The following COL24A1 variants were observed in gnomAD, a reference collection of about 807,000 sequenced individuals.
The protein encoded by COL24A1 is collagen type XXIV alpha 1 chain.
Under a neutral mutation model 253.9 loss-of-function variants are expected in COL24A1, and 224 were observed. The ratio of observed to expected loss-of-function variants is 0.88; its 90% CI spans 0.79 to 0.99. The LOEUF is 0.99. COL24A1 is among the 50% of genes least tolerant of loss of function. COL24A1 has a pLI of 0.00. For synonymous variants in COL24A1, 685 were observed against 673.7 expected (o/e 1.02, Z -0.26); for missense variants, 2,131 against 2,068.5 (o/e 1.03, Z -0.59).
chr1:85,968,591 A>G (rs1027770357), intron 22 of COL24A1, among the ~76,000 whole-genome samples: 2 of 152,184 alleles, frequency 1.3e-5, no homozygotes, highest in South Asian at 2.1e-4. Context: ...CTTAATTTAG[A>G]TATACAGAAC....
chr1:85,778,061 C>CTATCTATCTATCTATCTATG (rs1190263739), intron 52 of COL24A1, among the ~76,000 whole-genome samples: 2 of 151,824 alleles, frequency 1.3e-5, no homozygotes, highest in African/African-American at 4.8e-5. Flanking sequence ...ATCTATCTAT[C>CTATCTATCTATCTATCTATG]TATCTATCAT....
intron 24 of COL24A1, among the ~76,000 whole-genome samples, chr1:85,957,263 C>A (rs755912720): frequency 1.3e-5 from 2 of 151,996 alleles, no homozygotes; most frequent in Admixed American, 6.6e-5. Context: ...ACCGAGATGA[C>A]GGGTTGATGG....
intron 34 of COL24A1, 84 bp from the exon 35 acceptor site, chr1:85,874,786 C>T: frequency 6.9e-7 from 1 of 1,458,572 alleles, no homozygotes; most frequent in South Asian, 1.2e-5. Flanking sequence ...CGGCACAGTT[C>T]CCCAACGCCT....
intron 47 of COL24A1, among the ~76,000 whole-genome samples, chr1:85,787,525 C>T (rs1231112436): frequency 1.3e-5 from 2 of 152,158 alleles, no homozygotes; most frequent in African/African-American, 4.8e-5. Context: ...ATCTATATCC[C>T]TGCAAAGGAC....
chr1:86,044,092 C>T lies in COL24A1; in HGVS notation c.1950+2733G>A, dbSNP rs917306689. On this transcript the variant is annotated intron_variant, in intron 12 of 59. Transcript: ENST00000370571. ...TCATCTTCTACACACCTACTTTTTT[C>T]GACATCAAAGAGAATGGAAAGATTA... Among the ~76,000 whole-genome samples, 11 of 152,062 alleles carry T rather than the reference C, an allele frequency of 7.2e-5. No homozygotes were observed. In the East Asian group the frequency reaches 9.7e-4, roughly 13 times the overall value.
At chr1:85,990,847 G>A (rs1397627568) in intron 19 of COL24A1, among the ~76,000 whole-genome samples, 2 of 152,068 alleles carry the variant, frequency 1.3e-5, no homozygotes, top group Non-Finnish European at 2.9e-5. Flanking sequence ...ATGAAAGGAG[G>A]CTCACTCATT....
chr1:86,128,379 C>T (rs1450938769), intron 2 of COL24A1, among the ~76,000 whole-genome samples: 1 of 151,930 alleles, frequency 6.6e-6, no homozygotes, highest in East Asian at 1.9e-4. Context: ...GAGAAGTAAA[C>T]TATGGAAGGA....
intron 37 of COL24A1, among the ~76,000 whole-genome samples, chr1:85,854,097 G>A (rs919066924): frequency 3.3e-5 from 5 of 152,114 alleles, no homozygotes; most frequent in East Asian, 1.9e-4. Context: ...ATAGTTTTAG[G>A]TTTTATATTT....
intron 31 of COL24A1, among the ~76,000 whole-genome samples, chr1:85,895,167 A>G (rs1683547993): frequency 6.6e-6 from 1 of 152,124 alleles, no homozygotes; most frequent in African/African-American, 2.4e-5. Context: ...TAAATCTTTA[A>G]CATTTTTTTC....
chr1:86,058,051 C>T (rs888480992), intron 9 of COL24A1, 76 bp from the exon 10 acceptor site: 2 of 1,158,238 alleles, frequency 1.7e-6, no homozygotes, highest in African/African-American at 3.1e-5. Flanking sequence ...ATAAAAAGGC[C>T]ATATAAAGAG....
chr1:86,063,858 T>C, intron 7 of COL24A1, 99 bp from the exon 8 acceptor site: 1 of 610,306 alleles, frequency 1.6e-6, no homozygotes, highest in South Asian at 4.9e-5. Flanking sequence ...CAACTTTTGG[T>C]TGCCTCATCA....
At chr1:86,104,429 C>A (rs1375961988) in intron 5 of COL24A1, among the ~76,000 whole-genome samples, 1 of 152,188 alleles carries the variant, frequency 6.6e-6, no homozygotes, top group East Asian at 1.9e-4. Flanking sequence ...CTAATGCAGT[C>A]ATTTGGAGGA....
rs114657977 is a variant in COL24A1 at position 85,888,461 on chromosome 1, C to T, written c.2976+1099G>A. Among the ~76,000 whole-genome samples the T allele has an allele frequency of 9.9e-3, 1,500 of 151,990 alleles. 7 individuals carry two copies. The highest frequency in any genetic ancestry group is 0.015 in the Admixed American group (232 of 15,270). On this transcript the variant is annotated intron_variant, in intron 32 of 59. Transcript: ENST00000370571. ...TTACTTATATATACCAGACATTATA[C>T]CAGGAAAGGGGATTACAAAGATAAA... is the stretch of plus-strand genomic sequence containing the variant.
intron 57 of COL24A1, among the ~76,000 whole-genome samples, chr1:85,739,548 T>C (rs1664391120): frequency 1.3e-5 from 2 of 152,230 alleles, no homozygotes; most frequent in Admixed American, 6.5e-5. Context: ...GACCATTCTT[T>C]GCATTTTCTC....
chr1:85,859,779 C>CT (rs143781363), intron 37 of COL24A1, among the ~76,000 whole-genome samples: 24 of 152,026 alleles, frequency 1.6e-4, no homozygotes, highest in East Asian at 3.9e-4. Flanking sequence ...AAAATAGCAA[C>CT]TTTTTTTTAC....
Position 86,092,237 on chromosome 1 carries a change from C to A in COL24A1, c.1653+30G>T, listed in dbSNP as rs1313255813. ...TTTTAAAATGCTTGAAATATATTAC[C>A]ATAATTTCATTTCATGGTCAAATAA... On this transcript the variant is annotated intron_variant, in intron 6 of 59. Transcript: ENST00000370571. 9 of 1,505,036 alleles carry A rather than the reference C, an allele frequency of 6.0e-6. No homozygotes were observed. In the Admixed American group the frequency reaches 1.4e-4, roughly 24 times the overall value. 93.2% of individuals were successfully genotyped at this position (1,505,036 alleles called of 1,614,324 possible).
intron 20 of COL24A1, among the ~76,000 whole-genome samples, chr1:85,979,639 A>C (rs577651632): frequency 6.6e-6 from 1 of 152,180 alleles, no homozygotes; most frequent in African/African-American, 2.4e-5. Flanking sequence ...ACCAGGAAGA[A>C]ACAGAAACTC....
chr1:85,833,326 A>C (rs1330536108), intron 43 of COL24A1, among the ~76,000 whole-genome samples: 2 of 152,354 alleles, frequency 1.3e-5, no homozygotes, highest in Non-Finnish European at 2.9e-5. Context: ...GACACTTCTC[A>C]AAAGAAGACA....
At chr1:85,902,804 A>G (rs1411673021) in intron 28 of COL24A1, among the ~76,000 whole-genome samples, 1 of 152,204 alleles carries the variant, frequency 6.6e-6, no homozygotes, top group Non-Finnish European at 1.5e-5. Context: ...GGGTACAAAC[A>G]TGCAATGAAA....
Sources: allele counts gnomAD v4.1 joint callset (sites outside exome capture counted in the v4.1 genomes callset), GRCh38; gene constraint gnomAD v4.1.1; transcripts MANE v1.5; gene names NCBI Gene and HGNC (gene_info 2026-07-23, HGNC 2026-07-21).